Variants in CIAPIN1 observed in about 807,000 individuals in gnomAD.
CIAPIN1 encodes the protein anamorsin.
In CIAPIN1, 18 loss-of-function variants were observed where a neutral mutation model predicts 34.3. The observed-to-expected ratio is 0.52, with a 90% CI of 0.36 to 0.78. The LOEUF is 0.78. CIAPIN1 is among the 30% of genes least tolerant of loss of function. The pLI is 0.00. For missense variants in CIAPIN1, 310 were observed against 372.5 expected (o/e 0.83, Z 1.38); for synonymous variants, 131 against 140.4 (o/e 0.93, Z 0.47).
rs1903020536 is a variant in CIAPIN1, at chr16:57,429,148, T to C, written c.*22A>G. 9 of 1,537,562 alleles carry C rather than the reference T, an allele frequency of 5.9e-6. No individual in the cohort carries two copies. The highest frequency in any genetic ancestry group is 8.1e-6 in the Non-Finnish European group (9 of 1,112,310). On this transcript the variant is annotated 3_prime_UTR_variant, in exon 9 of 9. Coordinates refer to ENST00000394391, the MANE Select transcript of CIAPIN1 (RefSeq NM_020313.4). ...GACAGGAGTTGGCTGGAGGAGCAGA[T>C]GGGTCCCATGTCAGGAACCTCCTAG... is the stretch of plus-strand genomic sequence containing the variant.
At chr16:57,442,521 C>T (rs571625106) in intron 1 of CIAPIN1, among the ~76,000 whole-genome samples, 2 of 152,014 alleles carry the variant, frequency 1.3e-5, no homozygotes, top group East Asian at 1.9e-4. Context: ...ATTAGCTGGG[C>T]GTGGTGACAG....
chr16:57,428,994 A>ACTGT lies in CIAPIN1; in HGVS notation c.*175_*176insACAG, dbSNP rs1235177031. ...ATAATACCTTGGTCTTTTGATACAC[A>ACTGT]GCAGCACTACACACCACTGTGCCCC... On this transcript the variant is annotated 3_prime_UTR_variant, in exon 9 of 9. Transcript: ENST00000394391. 13 of 584,226 alleles carry ACTGT rather than the reference A, an allele frequency of 2.2e-5. No individual in the cohort carries two copies. The highest frequency in any genetic ancestry group is 3.7e-5 in the Non-Finnish European group (12 of 325,458). The allele number at this position is 584,226 out of a possible 1,614,324, so 36.2% of individuals were successfully genotyped here.
rs11862474 is a variant in CIAPIN1, at chr16:57,447,326, C to A, written c.-56+16G>T. Reference sequence around the variant, plus strand: ...TGAGGGAGCTCTGGCGCTCAGCTGGCCCCCACCACTCTCACCTGCCGCCTG... The same window carrying A: ...TGAGGGAGCTCTGGCGCTCAGCTGGACCCCACCACTCTCACCTGCCGCCTG... On this transcript the variant is annotated intron_variant, in intron 1 of 8. Transcript: ENST00000394391. 0.053 allele frequency: 23,959 copies of A among 454,172 alleles called. 1,241 individuals carry two copies. The highest frequency in any genetic ancestry group is 0.19 in the African/African-American group (9,454 of 49,102). 28.1% of individuals were successfully genotyped at this position (454,172 alleles called of 1,614,324 possible). A position where few individuals can be genotyped will look rare whatever the true frequency, so the allele number is the denominator to read the frequency against.
chr16:57,441,130 C>G (rs1457246301), intron 1 of CIAPIN1, 147 bp from the exon 2 acceptor site: 2 of 417,098 alleles, frequency 4.8e-6, no homozygotes, highest in Non-Finnish European at 8.4e-6. Flanking sequence ...ACATGAACCC[C>G]ATTATCTCAA....
At chr16:57,438,824 T>C (rs1348085557) in intron 3 of CIAPIN1, among the ~76,000 whole-genome samples, 3 of 152,226 alleles carry the variant, frequency 2.0e-5, no homozygotes, top group Non-Finnish European at 4.4e-5. Flanking sequence ...GAGATTGGCT[T>C]TTTTCACTCA....
In CIAPIN1 at chr16:57,439,899, C is replaced by T. The variant is rs62037141; in HGVS notation, c.158-565G>A. ...AAGCATGTGCATTTAAACAATACGA[C>T]ATCTGCGCACCTTGAAAAAAGAACA... On this transcript the variant is annotated intron_variant, in intron 2 of 8. Transcript: ENST00000394391. Among the ~76,000 whole-genome samples the T allele has an allele frequency of 3.1e-3, 477 of 152,310 alleles. 2 individuals carry two copies. The highest frequency in any genetic ancestry group is 5.0e-3 in the Non-Finnish European group (337 of 68,028).
At chr16:57,445,041 G>A (rs1390429483) in intron 1 of CIAPIN1, among the ~76,000 whole-genome samples, 1 of 152,182 alleles carries the variant, frequency 6.6e-6, no homozygotes, top group African/African-American at 2.4e-5. Context: ...CTGTTTTTTA[G>A]GTGCCCAGTA....
intron 8 of CIAPIN1, 124 bp from the exon 9 acceptor site, chr16:57,429,404 C>A: frequency 1.6e-6 from 1 of 636,776 alleles, no homozygotes; most frequent in East Asian, 2.8e-5. Context: ...GTTTGCAGGT[C>A]CAATTGAGAC....
chr16:57,440,689 T>G, intron 2 of CIAPIN1, 83 bp downstream of exon 2: 1 of 1,455,800 alleles, frequency 6.9e-7, no homozygotes, highest in Non-Finnish European at 9.3e-7. Flanking sequence ...AAATGAAAAC[T>G]CAGATATCAA....
chr16:57,436,845 G>T lies in CIAPIN1; in HGVS notation c.311-113C>A, dbSNP rs532132224. On this transcript the variant is annotated intron_variant, in intron 3 of 8. Coordinates refer to ENST00000394391, the MANE Select transcript of CIAPIN1 (RefSeq NM_020313.4). Reference sequence around the variant, plus strand: ...TTCAAACAATAATAACCAGGTGGGCGTGGTGGCTCATGTCTGTAATCCCAG... The same window carrying T: ...TTCAAACAATAATAACCAGGTGGGCTTGGTGGCTCATGTCTGTAATCCCAG... The T allele has an allele frequency of 5.9e-5, 41 of 698,874 alleles. No individual in the cohort carries two copies. In the African/African-American group the frequency reaches 6.7e-4, roughly 11 times the overall value. The allele number at this position is 698,874 out of a possible 1,614,324, so 43.3% of individuals were successfully genotyped here.
rs1903014049 is a variant in CIAPIN1, at chr16:57,428,891, A to G, written c.*279T>C. 1 of 343,390 alleles carries G rather than the reference A, an allele frequency of 2.9e-6. No individual in the cohort carries two copies. The highest frequency in any genetic ancestry group is 5.4e-6 in the Non-Finnish European group (1 of 185,730). 21.3% of individuals were successfully genotyped at this position (343,390 alleles called of 1,614,324 possible). A position where few individuals can be genotyped will look rare whatever the true frequency, so the allele number is the denominator to read the frequency against. ...GTTCTGGTCAGCATTTTAACATCAGAAGAAGGGCTTCTTCAGGACACACTC... is the reference window on the plus strand; with the variant it reads ...GTTCTGGTCAGCATTTTAACATCAGGAGAAGGGCTTCTTCAGGACACACTC... On this transcript the variant is annotated 3_prime_UTR_variant, in exon 9 of 9. Coordinates refer to ENST00000394391, the MANE Select transcript of CIAPIN1 (RefSeq NM_020313.4).
At chr16:57,430,173 G>C (rs1903055084) in intron 8 of CIAPIN1, 85 bp downstream of exon 8, 1 of 1,126,950 alleles carries the variant, frequency 8.9e-7, no homozygotes, top group Non-Finnish European at 1.3e-6. Context: ...AAATATTTGA[G>C]GTGGAGCTTG....
In CIAPIN1 at chr16:57,429,080, A is replaced by C; in HGVS notation, c.*90T>G. The C allele has an allele frequency of 1.1e-6, 1 of 876,862 alleles. No homozygotes were observed. Among genetic ancestry groups the C allele is most frequent in the Non-Finnish European group, 1.9e-6 (1 of 530,360 alleles). 54.3% of individuals were successfully genotyped at this position (876,862 alleles called of 1,614,324 possible). A position where few individuals can be genotyped will look rare whatever the true frequency, so the allele number is the denominator to read the frequency against. ...CTGCAAACAGATCTCAGAGTGAACA[A>C]ATCCAGAGGAGGTGGGAGGAGCCAC... On this transcript the variant is annotated 3_prime_UTR_variant, in exon 9 of 9. Transcript: ENST00000394391.
At chr16:57,432,077 C>G (rs1567570116) in intron 6 of CIAPIN1, among the ~76,000 whole-genome samples, 2 of 151,916 alleles carry the variant, frequency 1.3e-5, no homozygotes, top group East Asian at 1.9e-4. Context: ...CTTTGGGAGG[C>G]CGAGGCGGGC....
chr16:57,440,698 A>AC (rs2146569402), intron 2 of CIAPIN1, 74 bp downstream of exon 2: 2 of 1,483,982 alleles, frequency 1.3e-6, no homozygotes, highest in Non-Finnish European at 1.8e-6. Flanking sequence ...CTCAGATATC[A>AC]AGGAACCACA....
chr16:57,437,139 A>C (rs1903221267), intron 3 of CIAPIN1, among the ~76,000 whole-genome samples: 1 of 151,328 alleles, frequency 6.6e-6, no homozygotes, highest in South Asian at 2.1e-4. Flanking sequence ...AGAAAAAACA[A>C]AAAAAAAATA....
In CIAPIN1 at chr16:57,434,201, C is replaced by T. The variant is rs1044295640; in HGVS notation, c.399G>A (p.Glu133=). The T allele has an allele frequency of 1.1e-5, 17 of 1,613,992 alleles. No homozygotes were observed. The highest frequency in any genetic ancestry group is 1.4e-5 in the Non-Finnish European group (17 of 1,179,928). Residue 133 remains glutamate, a synonymous_variant, in exon 5 of 9, where the codon GAG becomes GAA. Transcript: ENST00000394391. ...ACTGTACTTCCTCAGGGGTTAGGGG[C>T]TCCCGCTGCAGCTAGAATTCAAGAC... The part of the protein sequence containing the change: ...GLVEVKELQR[E]PLTPEEVQSV...
chr16:57,434,073 A>C lies in CIAPIN1; in HGVS notation c.527T>G (p.Leu176Arg). The C allele has an allele frequency of 6.2e-7, 1 of 1,614,146 alleles. No homozygotes were observed. Among genetic ancestry groups the C allele is most frequent in the South Asian group, 1.1e-5 (1 of 91,054 alleles). The change falls in exon 5 of 9, where the codon CTT (leucine) becomes CGT (arginine). Residue 176 changes from leucine (L) to arginine (R), a missense_variant. Physicochemically the swap from Leu to Arg is moderately radical, Grantham distance 102. Transcript: ENST00000394391. Reference sequence around the variant, plus strand: ...AGGAGAAGACTTCTTGGTGATGGAAAGCTTAAGCTGCCTAGAAGAACCCAC... The same window carrying C: ...AGGAGAAGACTTCTTGGTGATGGAACGCTTAAGCTGCCTAGAAGAACCCAC... ...FEVGSSRQLK[L>R]SITKKSSPSV...
chr16:57,431,355 G>A (rs928094093), intron 6 of CIAPIN1, 89 bp from the exon 7 acceptor site: 6 of 827,350 alleles, frequency 7.3e-6, no homozygotes, highest in Non-Finnish European at 1.2e-5. Context: ...AGGAAACTTG[G>A]AGTCCAGGGT....
Sources: gnomAD v4.1 joint callset for allele counts (sites outside exome capture counted in the v4.1 genomes callset) on GRCh38, gnomAD v4.1.1 for gene constraint, MANE v1.5 for transcripts, NCBI Gene and HGNC (gene_info 2026-07-23, HGNC 2026-07-21) for gene names.